UNC5D: variants seen among roughly 807,000 people sequenced by gnomAD.
The protein encoded by UNC5D is unc-5 netrin receptor D.
In UNC5D, 39 loss-of-function variants were observed where a neutral mutation model predicts 105.4. The ratio of observed to expected loss-of-function variants is 0.37; its 90% CI spans 0.29 to 0.48. The LOEUF is 0.48. Among genes scored for constraint, UNC5D ranks in the 20% least tolerant of loss-of-function variants. UNC5D has a pLI of 0.98. For synonymous variants in UNC5D, 452 were observed against 450.4 expected, an observed-to-expected ratio of 1.00 and a Z score of -0.04; for missense variants, 991 against 1,202.4, an observed-to-expected ratio of 0.82 and a Z score of 2.60.
chr8:35,413,125 C>T (rs758461518), intron 1 of UNC5D, among the ~76,000 whole-genome samples: 3 of 152,044 alleles, frequency 2.0e-5, no homozygotes, highest in Non-Finnish European at 4.4e-5. Flanking sequence ...GGTTTGTTTA[C>T]TTCAAGGGGC....
chr8:35,794,048 T>C lies in UNC5D; in HGVS notation c.*3485T>C, dbSNP rs1272897830. 1 of 152,188 alleles carries C rather than the reference T, an allele frequency of 6.6e-6. No individual in the cohort carries two copies. Among genetic ancestry groups the C allele is most frequent in the African/African-American group, 2.4e-5 (1 of 41,464 alleles). 9.4% of individuals were successfully genotyped at this position (152,188 alleles called of 1,614,324 possible). A position where few individuals can be genotyped will look rare whatever the true frequency, so the allele number is the denominator to read the frequency against. ...GAAACATTCTCAGCATCAGGATTGA[T>C]AAACAAATGTAGATGATTAAAATAG... On this transcript the variant is annotated 3_prime_UTR_variant, in exon 17 of 17. Coordinates refer to ENST00000404895, the MANE Select transcript of UNC5D (RefSeq NM_080872.4).
At chr8:35,599,315 G>T (rs1341543284) in intron 4 of UNC5D, among the ~76,000 whole-genome samples, 2 of 152,042 alleles carry the variant, frequency 1.3e-5, no homozygotes, top group African/African-American at 4.8e-5. Context: ...GGTGACTATA[G>T]TTAATAACAA....
intron 8 of UNC5D, among the ~76,000 whole-genome samples, chr8:35,711,278 C>T (rs573961049): frequency 6.6e-6 from 1 of 152,178 alleles, no homozygotes; most frequent in East Asian, 1.9e-4. Flanking sequence ...CTCCCGGGTT[C>T]AAGCGATTCT....
At chr8:35,708,321 A>G (rs1431176052) in intron 8 of UNC5D, among the ~76,000 whole-genome samples, 2 of 152,234 alleles carry the variant, frequency 1.3e-5, no homozygotes, top group Admixed American at 6.5e-5. Context: ...TGCACTGCAT[A>G]GCTCATGAAA....
chr8:35,739,960 C>T (rs1829673399), intron 11 of UNC5D, among the ~76,000 whole-genome samples: 1 of 152,188 alleles, frequency 6.6e-6, no homozygotes, highest in Non-Finnish European at 1.5e-5. Context: ...CCATAACAAC[C>T]TCCAGGACTC....
intron 8 of UNC5D, among the ~76,000 whole-genome samples, chr8:35,714,209 CTT>C (rs376389331): frequency 5.5e-4 from 84 of 152,270 alleles, no homozygotes; most frequent in African/African-American, 1.9e-3. Flanking sequence ...AGAGATGACT[CTT>C]TGATCTTGAG....
At chr8:35,518,218 TA>T (rs1298303351) in intron 1 of UNC5D, among the ~76,000 whole-genome samples, 1 of 152,194 alleles carries the variant, frequency 6.6e-6, no homozygotes, top group Non-Finnish European at 1.5e-5. Flanking sequence ...ACAAGAGAAA[TA>T]AGCATTATTG....
intron 1 of UNC5D, among the ~76,000 whole-genome samples, chr8:35,393,376 G>T (rs369992718): frequency 6.6e-6 from 1 of 151,462 alleles, no homozygotes; most frequent in Non-Finnish European, 1.5e-5. Context: ...CTCGTGATCC[G>T]CCCGCCTCGG....
chr8:35,332,191 T>G (rs1199993549), intron 1 of UNC5D, among the ~76,000 whole-genome samples: 1 of 152,080 alleles, frequency 6.6e-6, no homozygotes, highest in Non-Finnish European at 1.5e-5. Flanking sequence ...ATGCTAGGAG[T>G]ATACATACCT....
chr8:35,391,571 C>T lies in UNC5D; in HGVS notation c.103+155684C>T, dbSNP rs190823468. ...TTGAGTTATACCAGTGGAAGAAATG[C>T]CCCACGTTGTGTGTGACCAACACGC... On this transcript the variant is annotated intron_variant, in intron 1 of 16. Coordinates refer to ENST00000404895, the MANE Select transcript of UNC5D (RefSeq NM_080872.4). 7.9e-5 allele frequency among the ~76,000 whole-genome samples: 12 copies of T among 152,288 alleles called. 1 individual carries two copies. The East Asian group carries it at 2.1e-3, about 27-fold the overall frequency.
At chr8:35,544,803 A>G (rs1436229817) in intron 1 of UNC5D, among the ~76,000 whole-genome samples, 2 of 151,890 alleles carry the variant, frequency 1.3e-5, no homozygotes, top group African/African-American at 2.4e-5. Flanking sequence ...GGGTTTCACC[A>G]TGTTGGCCAG....
At chr8:35,533,286 G>T (rs79275520) in intron 1 of UNC5D, among the ~76,000 whole-genome samples, 5 of 152,086 alleles carry the variant, frequency 3.3e-5, no homozygotes, top group Admixed American at 3.3e-4. Context: ...TCAGCTGCAG[G>T]TCTGTTGGAA....
intron 1 of UNC5D, among the ~76,000 whole-genome samples, chr8:35,474,048 C>T (rs1809917449): frequency 6.6e-6 from 1 of 152,186 alleles, no homozygotes; most frequent in Admixed American, 6.5e-5. Flanking sequence ...CAACACCTCC[C>T]ATTAAGTTTA....
intron 3 of UNC5D, among the ~76,000 whole-genome samples, chr8:35,579,849 C>A (rs965134657): frequency 6.6e-6 from 1 of 152,186 alleles, no homozygotes; most frequent in Non-Finnish European, 1.5e-5. Context: ...ACTCTCAACC[C>A]TCCCATTCAC....
intron 1 of UNC5D, among the ~76,000 whole-genome samples, chr8:35,479,193 C>A (rs1218555845): frequency 6.6e-6 from 1 of 152,074 alleles, no homozygotes; most frequent in African/African-American, 2.4e-5. Flanking sequence ...AAGCCTGAGG[C>A]AGAAAGTTAC....
intron 8 of UNC5D, among the ~76,000 whole-genome samples, chr8:35,713,182 C>CTTGTGT (rs1828060182): frequency 6.6e-6 from 1 of 152,032 alleles, no homozygotes; most frequent in Non-Finnish European, 1.5e-5. Context: ...TAATTAAATA[C>CTTGTGT]CTCAGACATA....
At chr8:35,625,817 A>G (rs1309690978) in intron 4 of UNC5D, among the ~76,000 whole-genome samples, 1 of 152,172 alleles carries the variant, frequency 6.6e-6, no homozygotes, top group East Asian at 1.9e-4. Flanking sequence ...TTCATTGAAG[A>G]CTTACTGGCT....
At chr8:35,615,492 C>T (rs545120222) in intron 4 of UNC5D, among the ~76,000 whole-genome samples, 55 of 152,150 alleles carry the variant, frequency 3.6e-4, no homozygotes, top group African/African-American at 1.3e-3. Context: ...ACGCTGATCT[C>T]TCTTTTATTT....
intron 3 of UNC5D, among the ~76,000 whole-genome samples, chr8:35,573,663 G>GT (rs2130809591): frequency 6.6e-6 from 1 of 152,310 alleles, no homozygotes; most frequent in Non-Finnish European, 1.5e-5. Flanking sequence ...GAAGAAAGCT[G>GT]TAATAGCTTT....
Sources: gnomAD v4.1 joint callset for allele counts (sites outside exome capture counted in the v4.1 genomes callset) on GRCh38, gnomAD v4.1.1 for gene constraint, MANE v1.5 for transcripts, NCBI Gene and HGNC (gene_info 2026-07-23, HGNC 2026-07-21) for gene names.